Variants in AFF3 observed in about 807,000 individuals in gnomAD.
AFF3 encodes AF4/FMR2 family member 3.
Under a neutral mutation model 129.7 loss-of-function variants are expected in AFF3, and 32 were observed. The ratio of observed to expected loss-of-function variants is 0.25; its 90% confidence interval spans 0.19 to 0.33. The LOEUF (loss-of-function observed/expected upper bound fraction) is 0.33, where lower values mean the gene tolerates loss of function less well. AFF3 is among the 10% of genes least tolerant of loss of function. The pLI is 1.00. For missense variants in AFF3, 1,373 were observed against 1,592.0 expected, an observed-to-expected ratio of 0.86 and a Z score of 2.34; for synonymous variants, 644 against 635.4, an observed-to-expected ratio of 1.01 and a Z score of -0.20.
chr2:100,031,445 TACAC>T (rs1025862381), intron 4 of AFF3, among the ~76,000 whole-genome samples: 2 of 152,196 alleles, frequency 1.3e-5, no homozygotes, highest in African/African-American at 4.8e-5. Flanking sequence ...AATGTATACA[TACAC>T]ACAGAGAGAT....
At chr2:99,656,633 C>T (rs964160500) in intron 12 of AFF3, among the ~76,000 whole-genome samples, 1 of 152,150 alleles carries the variant, frequency 6.6e-6, no homozygotes, top group Non-Finnish European at 1.5e-5. Flanking sequence ...CATCTATAAG[C>T]AATTTTATGT....
rs549780291 is a variant in AFF3 at position 99,860,659 on chromosome 2, T to C, written c.874-23135A>G. ...AGGAGAATGGCTTGAACCCAGGAGG[T>C]AGAGGTTACAGTAAGCTGAGACCAC... On this transcript the variant is annotated intron_variant, in intron 7 of 24. Coordinates refer to ENST00000672756, the MANE Select transcript of AFF3 (RefSeq NM_001386135.1). 1.3e-4 allele frequency among the ~76,000 whole-genome samples: 19 copies of C among 150,770 alleles called. No homozygotes were observed. In the East Asian group the frequency reaches 3.7e-3, roughly 30 times the overall value.
At chr2:99,873,502 G>GACTC (rs1260338806) in intron 7 of AFF3, among the ~76,000 whole-genome samples, 2 of 152,198 alleles carry the variant, frequency 1.3e-5, no homozygotes, top group Non-Finnish European at 2.9e-5. Flanking sequence ...GCCTTAGGTA[G>GACTC]ACTCCTTCAC....
chr2:99,948,799 A>AC (rs1297845872), intron 7 of AFF3, among the ~76,000 whole-genome samples: 2 of 151,748 alleles, frequency 1.3e-5, no homozygotes, highest in East Asian at 3.9e-4. Context: ...CAGACTAAAA[A>AC]CCCCCAACTG....
intron 11 of AFF3, among the ~76,000 whole-genome samples, chr2:99,724,778 T>G (rs1679222218): frequency 6.6e-6 from 1 of 152,164 alleles, no homozygotes; most frequent in Non-Finnish European, 1.5e-5. Flanking sequence ...AGAGGTCTCT[T>G]GAGCGGTTTC....
intron 19 of AFF3, among the ~76,000 whole-genome samples, chr2:99,567,960 A>G (rs796373948): frequency 1.1e-4 from 16 of 152,256 alleles, no homozygotes; most frequent in African/African-American, 3.4e-4. Flanking sequence ...CAAGAGCTGT[A>G]CCTTCCGCTG....
chr2:99,977,695 G>A (rs1679022673), intron 7 of AFF3, among the ~76,000 whole-genome samples: 2 of 152,160 alleles, frequency 1.3e-5, no homozygotes, highest in African/African-American at 4.8e-5. Context: ...TTCAGATTGG[G>A]CTCAAGAGCC....
intron 8 of AFF3, among the ~76,000 whole-genome samples, chr2:99,799,002 TAA>T (rs1685744086): frequency 6.6e-6 from 1 of 152,036 alleles, no homozygotes; most frequent in Non-Finnish European, 1.5e-5. Context: ...CTAAAATTAA[TAA>T]GTTAGTTTCA....
At chr2:99,579,083 G>A (rs1222828611) in intron 17 of AFF3, among the ~76,000 whole-genome samples, 1 of 152,192 alleles carries the variant, frequency 6.6e-6, no homozygotes, top group Non-Finnish European at 1.5e-5. Flanking sequence ...AGACCAGAAG[G>A]AGTCAACAGG....
chr2:99,774,353 T>A (rs1473991599), intron 8 of AFF3, among the ~76,000 whole-genome samples: 1 of 152,134 alleles, frequency 6.6e-6, no homozygotes, highest in Non-Finnish European at 1.5e-5. Flanking sequence ...AATACAAGAC[T>A]ACAGTAACCA....
chr2:99,771,910 A>G, intron 8 of AFF3, among the ~76,000 whole-genome samples: 1 of 152,220 alleles, frequency 6.6e-6, no homozygotes, highest in Non-Finnish European at 1.5e-5. Context: ...CAAAACAGCG[A>G]TAAGAATAGC....
At chr2:99,773,765 A>G (rs188464334) in intron 8 of AFF3, among the ~76,000 whole-genome samples, 23 of 152,348 alleles carry the variant, frequency 1.5e-4, no homozygotes, top group African/African-American at 4.8e-4. Flanking sequence ...AGGGTATTCA[A>G]ATAGGAAAAG....
chr2:99,777,947 C>CAAAAAAAAAAAAA (rs576434643), intron 8 of AFF3, among the ~76,000 whole-genome samples: 11 of 48,314 alleles, frequency 2.3e-4, no homozygotes, highest in Non-Finnish European at 3.4e-4. Context: ...AAAGCAAAAG[C>CAAAAAAAAAAAAA]AAAAAAAAAA....
At chr2:100,094,102 C>T (rs1290213052) in intron 4 of AFF3, among the ~76,000 whole-genome samples, 1 of 152,230 alleles carries the variant, frequency 6.6e-6, no homozygotes, top group Non-Finnish European at 1.5e-5. Context: ...CTCATTTCTA[C>T]TCCCACAACA....
intron 2 of AFF3, among the ~76,000 whole-genome samples, chr2:100,114,053 C>G (rs1691629651): frequency 6.6e-6 from 1 of 152,134 alleles, no homozygotes; most frequent in Admixed American, 6.5e-5. Flanking sequence ...ATCAGAGATT[C>G]AGTAAAGCAG....
At chr2:100,023,744 A>T (rs555767883) in intron 4 of AFF3, among the ~76,000 whole-genome samples, 5 of 152,178 alleles carry the variant, frequency 3.3e-5, no homozygotes, top group Non-Finnish European at 5.9e-5. Flanking sequence ...CATTGTGATC[A>T]GTGGTTGGCA....
In AFF3 at chr2:100,006,896, C is replaced by T. The variant is rs756917488; in HGVS notation, c.609G>A (p.Ala203=). 2.4e-5 allele frequency: 38 copies of T among 1,613,990 alleles called. No individual in the cohort carries two copies. Among genetic ancestry groups the T allele is most frequent in the Middle Eastern group, 1.6e-4 (1 of 6,084 alleles). ...AGTGTCCGCTGCTGCTGTGCTTGGC[C>T]GCCATGGCAGGTGGCCTCTCCTGGG... ...LQTQERPPAM[A]AKHSSSGHCV... Residue 203 remains alanine, a synonymous_variant, in exon 7 of 25, where the codon GCG becomes GCA. Coordinates refer to ENST00000672756, the MANE Select transcript of AFF3 (RefSeq NM_001386135.1).
intron 7 of AFF3, among the ~76,000 whole-genome samples, chr2:99,926,574 T>C (rs1463132136): frequency 6.6e-6 from 1 of 152,092 alleles, no homozygotes; most frequent in African/African-American, 2.4e-5. Flanking sequence ...TTGTGAGAGA[T>C]TTAGGGAGCC....
At position 99,724,401 on chromosome 2, in the gene AFF3, T is replaced by C. The variant is rs1294084074; in HGVS notation, c.1091+2676A>G. On this transcript the variant is annotated intron_variant, in intron 11 of 24. Transcript: ENST00000672756. The stretch of plus-strand genomic sequence containing the variant: ...AATTCTCCTGCCTCAGCCTCCCCAG[T>C]AGCTGGGATTACAGGCGCATGCCAC... Among the ~76,000 whole-genome samples the C allele has an allele frequency of 2.0e-5, 3 of 150,572 alleles. No individual in the cohort carries two copies. The East Asian group carries it at 6.0e-4, about 30-fold the overall frequency.
Sources: gnomAD v4.1 joint callset for allele counts (sites outside exome capture counted in the v4.1 genomes callset) on GRCh38, gnomAD v4.1.1 for gene constraint, MANE v1.5 for transcripts, NCBI Gene and HGNC (gene_info 2026-07-23, HGNC 2026-07-21) for gene names.